Variants in MDM2 observed in about 807,000 individuals in gnomAD.
MDM2 encodes the protein E3 ubiquitin-protein ligase Mdm2.
In MDM2, 11 loss-of-function variants were observed where a neutral mutation model predicts 64.3. The ratio of observed to expected loss-of-function variants is 0.17; its 90% CI spans 0.11 to 0.28. MDM2 has a LOEUF of 0.28. Among genes scored for constraint, MDM2 ranks in the 10% least tolerant of loss-of-function variants. The probability of loss-of-function intolerance (pLI) is 1.00; values close to 1 mark genes in which losing one functional copy is unlikely to be tolerated. For missense variants in MDM2, 388 were observed against 577.1 expected (o/e 0.67, Z 3.36); for synonymous variants, 194 against 192.9 (o/e 1.01, Z -0.05).
At chr12:68,834,326 C>T (rs991715864) in intron 8 of MDM2, among the ~76,000 whole-genome samples, 2 of 152,140 alleles carry the variant, frequency 1.3e-5, no homozygotes, top group Admixed American at 6.6e-5. Flanking sequence ...CCTGTAATCT[C>T]AGCTACTTGG....
At position 68,842,623 on chromosome 12, in the gene MDM2, G is replaced by A. The variant is rs1592606718; in HGVS notation, c.*2774G>A. On this transcript the variant is annotated 3_prime_UTR_variant, in exon 11 of 11. Transcript: ENST00000258149. ...AGAAGTGAAATGTGGACATAAAATA[G>A]TTACGCTATTTGGTTAATGGTACTA... 7.0e-6 allele frequency: 2 copies of A among 287,748 alleles called. No homozygotes were observed. The highest frequency in any genetic ancestry group is 1.1e-4 in the East Asian group (2 of 17,946). The allele number at this position is 287,748 out of a possible 1,614,324, so 17.8% of individuals were successfully genotyped here. A position where few individuals can be genotyped will look rare whatever the true frequency, so the allele number is the denominator to read the frequency against.
At chr12:68,830,200 G>A (rs967134957) in intron 8 of MDM2, among the ~76,000 whole-genome samples, 4 of 152,152 alleles carry the variant, frequency 2.6e-5, no homozygotes, top group Admixed American at 2.6e-4. Flanking sequence ...GTGTCTCATG[G>A]CCATTATTCT....
intron 8 of MDM2, among the ~76,000 whole-genome samples, chr12:68,830,554 T>C (rs1882711083): frequency 6.6e-6 from 1 of 151,746 alleles, no homozygotes; most frequent in South Asian, 2.1e-4. Context: ...CATTGGGAGA[T>C]AGATCATTAA....
chr12:68,844,253 A>G lies in MDM2; in HGVS notation c.*4404A>G. ...AATAGAAATTATTTGAATATCATAT[A>G]TTTGGGTAACAAAAGGCACAAGTCT... On this transcript the variant is annotated 3_prime_UTR_variant, in exon 11 of 11. Transcript: ENST00000258149. The G allele has an allele frequency of 4.6e-6, 1 of 215,480 alleles. No individual in the cohort carries two copies. The highest frequency in any genetic ancestry group is 7.0e-5 in the East Asian group (1 of 14,316). The allele number at this position is 215,480 out of a possible 1,614,324, so 13.3% of individuals were successfully genotyped here.
At chr12:68,814,785 T>A (rs1397935207) in intron 3 of MDM2, 1 of 169,812 alleles carries the variant, frequency 5.9e-6, no homozygotes, top group Non-Finnish European at 1.3e-5. Flanking sequence ...TGATTTTCAG[T>A]GACAGATTGA....
Position 68,824,450 on chromosome 12 carries a change from C to A in MDM2, c.426+20C>A. 1 of 1,609,162 alleles carries A rather than the reference C, an allele frequency of 6.2e-7. No homozygotes were observed. The highest frequency in any genetic ancestry group is 1.1e-5 in the South Asian group (1 of 90,676). ...CAAAAGGTAATCTAAGTAAATTTCT[C>A]ATTCTAATGTAATATTATTTGCAAA... On this transcript the variant is annotated intron_variant, in intron 6 of 10. Transcript: ENST00000258149.
Position 68,843,267 on chromosome 12 carries a change from A to C in MDM2, c.*3418A>C, listed in dbSNP as rs562153503. ...TAATGCTTTGAGGACCTCCAAAGGT[A>C]AAAGTACTAATCCCTTTGGCCATTT... On this transcript the variant is annotated 3_prime_UTR_variant, in exon 11 of 11. Coordinates refer to ENST00000258149, the MANE Select transcript of MDM2 (RefSeq NM_002392.6). 3 of 227,738 alleles carry C rather than the reference A, an allele frequency of 1.3e-5. No individual in the cohort carries two copies. The highest frequency in any genetic ancestry group is 6.7e-5 in the African/African-American group (3 of 44,978). 14.1% of individuals were successfully genotyped at this position (227,738 alleles called of 1,614,324 possible).
chr12:68,816,769 A>T, intron 3 of MDM2, 43 bp from the exon 4 acceptor site: 1 of 1,508,508 alleles, frequency 6.6e-7, no homozygotes, highest in Non-Finnish European at 9.0e-7. Context: ...TACAACTAAC[A>T]TTTAGTTTTC....
intron 5 of MDM2, among the ~76,000 whole-genome samples, chr12:68,820,722 T>TAG (rs1881772513): frequency 6.6e-6 from 1 of 152,202 alleles, no homozygotes; most frequent in South Asian, 2.1e-4. Context: ...TAGGACCATG[T>TAG]GTAAGGATGA....
chr12:68,815,906 T>G (rs1038212181), intron 3 of MDM2, among the ~76,000 whole-genome samples: 2 of 152,232 alleles, frequency 1.3e-5, no homozygotes, highest in African/African-American at 4.8e-5. Flanking sequence ...ACTTCTTGTC[T>G]TAATGCAGCA....
chr12:68,834,398 T>C (rs3730631), intron 8 of MDM2, among the ~76,000 whole-genome samples: 3,816 of 142,718 alleles, frequency 0.027, 76 homozygotes, highest in Middle Eastern at 0.13. Context: ...GCTGAGATCA[T>C]GCCACTGCAT....
rs57734852 is a variant in MDM2 at position 68,833,149 on chromosome 12, A to AATATATATATAT, written c.685-2673_685-2662dup. Among the ~76,000 whole-genome samples the AATATATATATAT allele has an allele frequency of 2.6e-3, 174 of 65,948 alleles. 2 individuals are homozygous for AATATATATATAT. The highest frequency in any genetic ancestry group is 9.7e-3 in the African/African-American group (158 of 16,316). 43.3% of individuals were successfully genotyped at this position (65,948 alleles called of 152,430 possible). Reference sequence around the variant, plus strand: ...TCCAAAAAAAAAAAAAAAAAAAAAAAATATATATATATATATATTTATATT... The same window carrying AATATATATATAT: ...TCCAAAAAAAAAAAAAAAAAAAAAAAATATATATATATATATATATATATATATATTTATATT... On this transcript the variant is annotated intron_variant, in intron 8 of 10. Transcript: ENST00000258149.
In MDM2 at chr12:68,809,285, A is replaced by G. The variant is rs746439458; in HGVS notation, c.92A>G (p.Glu31Gly). 1 of 1,613,970 alleles carries G rather than the reference A, an allele frequency of 6.2e-7. No individual in the cohort carries two copies. ...TTSQIPASEQ[E>G]TLVRPKPLLL... ...TCACAGATTCCAGCTTCGGAACAAGAGACCCTGGTTAGTATTTTTGTCTCG... is the reference window on the plus strand; with the variant it reads ...TCACAGATTCCAGCTTCGGAACAAGGGACCCTGGTTAGTATTTTTGTCTCG... The change falls in exon 2 of 11, where the codon GAG becomes GGG. Residue 31 changes from glutamate (E) to glycine (G), a missense_variant. Physicochemically the swap from Glu to Gly is moderately conservative, Grantham distance 98. This residue lies in a region of MDM2 where 46 missense variants were observed against 45.2 expected (regional missense o/e 1.02). Transcript: ENST00000258149.
At chr12:68,836,507 C>A in intron 9 of MDM2, 165 bp from the exon 10 acceptor site, 1 of 540,290 alleles carries the variant, frequency 1.9e-6, no homozygotes, top group South Asian at 2.4e-5. Context: ...GGATTTCTCT[C>A]TCCTCCATTT....
At position 68,809,834 on chromosome 12, in the gene MDM2, A is replaced by G. The variant is rs182872636; in HGVS notation, c.99+542A>G. Among the ~76,000 whole-genome samples the G allele has an allele frequency of 1.1e-4, 17 of 152,306 alleles. No individual in the cohort carries two copies. The East Asian group carries it at 3.1e-3, about 28-fold the overall frequency. On this transcript the variant is annotated intron_variant, in intron 2 of 10. Coordinates refer to ENST00000258149, the MANE Select transcript of MDM2 (RefSeq NM_002392.6). Reference sequence around the variant, plus strand: ...TGTTCTGTGACTTGCATCCTTGTCAATAAATAAAGTCTACAGAATTCTTTT... The same window carrying G: ...TGTTCTGTGACTTGCATCCTTGTCAGTAAATAAAGTCTACAGAATTCTTTT...
chr12:68,839,160 G>T, intron 10 of MDM2, 114 bp from the exon 11 acceptor site: 1 of 884,556 alleles, frequency 1.1e-6, no homozygotes, highest in East Asian at 2.6e-5. Flanking sequence ...ATGAAACACT[G>T]AATATTGAGC....
chr12:68,847,323 T>A (rs1363152375), downstream of MDM2: 1 of 148,440 alleles, frequency 6.7e-6, no homozygotes, highest in Non-Finnish European at 1.5e-5. Context: ...GGATTACAGG[T>A]GCGAGCCACT....
At position 68,816,362 on chromosome 12, in the gene MDM2, C is replaced by CTTTTT. The variant is rs62874563; in HGVS notation, c.175-426_175-422dup. Among the ~76,000 whole-genome samples, 31 of 61,084 alleles carry CTTTTT rather than the reference C, an allele frequency of 5.1e-4. 4 individuals are homozygous for CTTTTT. Among genetic ancestry groups the CTTTTT allele is most frequent in the African/African-American group, 2.0e-3 (30 of 14,906 alleles). 40.1% of individuals were successfully genotyped at this position (61,084 alleles called of 152,430 possible). A position where few individuals can be genotyped will look rare whatever the true frequency, so the allele number is the denominator to read the frequency against. On this transcript the variant is annotated intron_variant, in intron 3 of 10. Coordinates refer to ENST00000258149, the MANE Select transcript of MDM2 (RefSeq NM_002392.6). The stretch of plus-strand genomic sequence containing the variant: ...TTAAATGGAAAAGGCTTAAAAGTAG[C>CTTTTT]TTTTTTTTTTTTTTTTTTTTTTTTT...
intron 4 of MDM2, among the ~76,000 whole-genome samples, chr12:68,817,884 G>A (rs1050663844): frequency 5.9e-5 from 9 of 151,916 alleles, no homozygotes; most frequent in South Asian, 2.1e-4. Context: ...TGCAACCTCC[G>A]TCTCCTGGGT....
Sources: gnomAD v4.1 joint callset for allele counts (sites outside exome capture counted in the v4.1 genomes callset) on GRCh38, gnomAD v4.1.1 for gene constraint, gnomAD v4.1.1 regional missense constraint, MANE v1.5 for transcripts, NCBI Gene and HGNC (gene_info 2026-07-23, HGNC 2026-07-21) for gene names.